Variants in ALDH1A2 observed in about 807,000 individuals in gnomAD.
The protein encoded by ALDH1A2 is retinal dehydrogenase 2.
ALDH1A2 carries 27 observed loss-of-function variants against 60.3 expected under a neutral mutation model. The observed-to-expected ratio is 0.45, with a 90% confidence interval of 0.33 to 0.62. The LOEUF (loss-of-function observed/expected upper bound fraction) is 0.62, where lower values mean the gene tolerates loss of function less well. ALDH1A2 is among the 20% of genes least tolerant of loss of function. The pLI is 0.02. For synonymous variants in ALDH1A2, 289 were observed against 232.4 expected (o/e 1.24, Z -2.21); for missense variants, 581 against 643.8 (o/e 0.90, Z 1.06).
intron 1 of ALDH1A2, among the ~76,000 whole-genome samples, chr15:58,035,525 A>AT (rs1417703207): frequency 6.6e-6 from 1 of 151,470 alleles, no homozygotes; most frequent in South Asian, 2.1e-4. Flanking sequence ...AGCTTAGACT[A>AT]TTTCTTATTT....
At chr15:57,959,658 A>C (rs1363320199) in intron 12 of ALDH1A2, among the ~76,000 whole-genome samples, 1 of 152,056 alleles carries the variant, frequency 6.6e-6, no homozygotes, top group African/African-American at 2.4e-5. Flanking sequence ...TAGGTAGTAT[A>C]ATTATTCCCA....
intron 1 of ALDH1A2, among the ~76,000 whole-genome samples, chr15:58,047,313 T>A (rs917320071): frequency 1.3e-5 from 2 of 152,034 alleles, no homozygotes; most frequent in African/African-American, 2.4e-5. Context: ...AGAGTTAAAT[T>A]TTACTCAACT....
At chr15:57,998,212 AAGAG>A (rs1348443812) in intron 4 of ALDH1A2, among the ~76,000 whole-genome samples, 22 of 152,090 alleles carry the variant, frequency 1.4e-4, no homozygotes, top group African/African-American at 5.3e-4. Flanking sequence ...TTTCTCAGGC[AAGAG>A]AAAGAAATAA....
At chr15:58,037,345 G>T (rs2140551121) in intron 1 of ALDH1A2, among the ~76,000 whole-genome samples, 1 of 151,676 alleles carries the variant, frequency 6.6e-6, no homozygotes, top group East Asian at 1.9e-4. Flanking sequence ...TTAAAAAATG[G>T]AGTGAAAAAT....
chr15:58,021,479 C>G (rs552164705), intron 1 of ALDH1A2, among the ~76,000 whole-genome samples: 1 of 152,156 alleles, frequency 6.6e-6, no homozygotes, highest in South Asian at 2.1e-4. Context: ...CAGCCAACAT[C>G]CCCACCGTGG....
chr15:58,024,419 G>A (rs1896017683), intron 1 of ALDH1A2, among the ~76,000 whole-genome samples: 1 of 152,162 alleles, frequency 6.6e-6, no homozygotes, highest in Non-Finnish European at 1.5e-5. Flanking sequence ...GAAACCAAAT[G>A]TGAGCAGGAG....
intron 4 of ALDH1A2, among the ~76,000 whole-genome samples, chr15:57,996,237 C>G (rs1895055370): frequency 6.6e-6 from 1 of 152,006 alleles, no homozygotes. Context: ...ATTTATCACA[C>G]AAAATTGTTT....
intron 7 of ALDH1A2, chr15:57,991,720 C>T (rs1419210038): frequency 3.3e-5 from 5 of 152,162 alleles, no homozygotes; most frequent in Non-Finnish European, 2.9e-5. Context: ...AAGTTATTAA[C>T]ATTAATTTCA....
rs1896735241 is a variant in ALDH1A2, at chr15:58,049,995, A to G, written c.117+15539T>C. 2.6e-5 allele frequency among the ~76,000 whole-genome samples: 4 copies of G among 151,874 alleles called. No individual in the cohort carries two copies. In the South Asian group the frequency reaches 8.3e-4, roughly 32 times the overall value. ...GACTTCAGAAAGGCTAGTGGGTGTG[A>G]GTGTGGGTCTTGAGGGGGAAGGGGG... On this transcript the variant is annotated intron_variant, in intron 1 of 12. Coordinates refer to ENST00000249750, the MANE Select transcript of ALDH1A2 (RefSeq NM_003888.4).
Position 58,062,019 on chromosome 15 carries a change from T to C in ALDH1A2, c.117+3515A>G, listed in dbSNP as rs541786120. Among the ~76,000 whole-genome samples, 97 of 152,300 alleles carry C rather than the reference T, an allele frequency of 6.4e-4. 1 individual carries two copies. The highest frequency in any genetic ancestry group is 6.8e-3 in the Middle Eastern group (2 of 294). On this transcript the variant is annotated intron_variant, in intron 1 of 12. Coordinates refer to ENST00000249750, the MANE Select transcript of ALDH1A2 (RefSeq NM_003888.4). The stretch of plus-strand genomic sequence containing the variant: ...TAGGAACATGGCCACTCAAATGCCT[T>C]TTGAATTTAATTGAAATAGACCCCA...
chr15:58,053,722 G>A (rs1458206716), intron 1 of ALDH1A2, among the ~76,000 whole-genome samples: 5 of 152,062 alleles, frequency 3.3e-5, no homozygotes, highest in Non-Finnish European at 5.9e-5. Context: ...AACCTCATTA[G>A]TCTCCCTGCT....
At chr15:57,986,739 C>T (rs1194106482) in intron 7 of ALDH1A2, among the ~76,000 whole-genome samples, 1 of 152,052 alleles carries the variant, frequency 6.6e-6, no homozygotes, top group Non-Finnish European at 1.5e-5. Context: ...GTGGTGTGAT[C>T]TTGGCTCACT....
At chr15:57,996,315 C>G (rs1431955546) in intron 4 of ALDH1A2, among the ~76,000 whole-genome samples, 1 of 151,746 alleles carries the variant, frequency 6.6e-6, no homozygotes, top group Non-Finnish European at 1.5e-5. Flanking sequence ...CTCTCTCTCT[C>G]TCTCTTACTC....
rs1265584900 is a variant in ALDH1A2, at chr15:58,021,361, ACC to A, written c.118-7082_118-7081del. Among the ~76,000 whole-genome samples, 249 of 152,316 alleles carry A rather than the reference ACC, an allele frequency of 1.6e-3. 1 individual carries two copies. Among genetic ancestry groups the A allele is most frequent in the Non-Finnish European group, 2.7e-3 (183 of 68,012 alleles). On this transcript the variant is annotated intron_variant, in intron 1 of 12. Coordinates refer to ENST00000249750, the MANE Select transcript of ALDH1A2 (RefSeq NM_003888.4). ...ATTCAACAAAGAAGGGACAGGAAGC[ACC>A]AAAAGTAAGAAAAGAGGTTGCCTCT...
At chr15:58,013,787 G>C in intron 3 of ALDH1A2, 71 bp downstream of exon 3, 1 of 1,578,922 alleles carries the variant, frequency 6.3e-7, no homozygotes, top group Non-Finnish European at 8.6e-7. Context: ...ATAAAATACA[G>C]CCGAAGAATG....
At position 57,962,057 on chromosome 15, in the gene ALDH1A2, T is replaced by G. The variant is rs765838179; in HGVS notation, c.1206A>C (p.Thr402=). Residue 402 remains threonine, a synonymous_variant, in exon 10 of 13, where the codon ACA becomes ACC. Coordinates refer to ENST00000249750, the MANE Select transcript of ALDH1A2 (RefSeq NM_003888.4). ...TATCATCAGTGACGTTGGAAAACACTGTGGGCTCAATGAAAAACCCCTTTC... is the reference window on the plus strand; with the variant it reads ...TATCATCAGTGACGTTGGAAAACACGGTGGGCTCAATGAAAAACCCCTTTC... ...LGRKGFFIEP[T]VFSNVTDDMR... is the part of the protein sequence containing the mutation. The G allele has an allele frequency of 6.2e-7, 1 of 1,614,174 alleles. No individual in the cohort carries two copies. The highest frequency in any genetic ancestry group is 8.5e-7 in the Non-Finnish European group (1 of 1,180,028).
chr15:58,064,886 C>T (rs552702029), intron 1 of ALDH1A2, among the ~76,000 whole-genome samples: 11 of 152,142 alleles, frequency 7.2e-5, no homozygotes, highest in Non-Finnish European at 1.2e-4. Context: ...TTCTTCAGTT[C>T]AAAACCGAAC....
intron 4 of ALDH1A2, among the ~76,000 whole-genome samples, chr15:58,009,069 C>A (rs1895548317): frequency 6.6e-6 from 1 of 152,124 alleles, no homozygotes; most frequent in African/African-American, 2.4e-5. Context: ...AACCCATTTT[C>A]TAAAAACTAA....
At chr15:58,008,284 G>GT (rs1366952825) in intron 4 of ALDH1A2, among the ~76,000 whole-genome samples, 5 of 151,950 alleles carry the variant, frequency 3.3e-5, no homozygotes, top group African/African-American at 9.7e-5. Flanking sequence ...AGAATTCATC[G>GT]TTTTTTTTCC....
Sources: gnomAD v4.1 joint callset for allele counts (sites outside exome capture counted in the v4.1 genomes callset) on GRCh38, gnomAD v4.1.1 for gene constraint, MANE v1.5 for transcripts, NCBI Gene and HGNC (gene_info 2026-07-23, HGNC 2026-07-21) for gene names.